FBXL17: variants seen among roughly 807,000 people sequenced by gnomAD.
The protein encoded by FBXL17 is F-box and leucine rich repeat protein 17, also known as F-box/LRR-repeat protein 17.
Under a neutral mutation model 66.2 loss-of-function variants are expected in FBXL17, and 22 were observed. That is an observed-to-expected ratio of 0.33 (90% confidence interval 0.24 to 0.47). The LOEUF (loss-of-function observed/expected upper bound fraction) is 0.47. Among genes scored for constraint, FBXL17 ranks in the 20% least tolerant of loss-of-function variants. The pLI, the probability that FBXL17 is intolerant of heterozygous loss-of-function variation, is 1.00. For missense variants in FBXL17, 878 were observed against 948.2 expected (o/e 0.93, Z 0.97); for synonymous variants, 474 against 400.5 (o/e 1.18, Z -2.19).
In FBXL17 at chr5:108,159,473, T is replaced by TC. The variant is rs1293927453; in HGVS notation, c.1745+26643dup. On this transcript the variant is annotated intron_variant, in intron 6 of 8. Coordinates refer to ENST00000542267, the MANE Select transcript of FBXL17 (RefSeq NM_001163315.3). Reference sequence around the variant, plus strand: ...GGGAAGTGATTGGTCAGAGGCAGCGTCCTTCTGAATGGAATTCACTACCGT... The same window carrying TC: ...GGGAAGTGATTGGTCAGAGGCAGCGTCCCTTCTGAATGGAATTCACTACCGT... Among the ~76,000 whole-genome samples the TC allele has an allele frequency of 2.0e-5, 3 of 152,130 alleles. No homozygotes were observed. The East Asian group carries it at 5.8e-4, about 29-fold the overall frequency.
chr5:107,916,845 T>C (rs1461376368), intron 7 of FBXL17, among the ~76,000 whole-genome samples: 1 of 152,164 alleles, frequency 6.6e-6, no homozygotes, highest in Admixed American at 6.5e-5. Context: ...CTCAAACATA[T>C]GTGGTTAAAA....
At chr5:108,225,136 C>CTGAA (rs971364154) in intron 4 of FBXL17, among the ~76,000 whole-genome samples, 8 of 152,118 alleles carry the variant, frequency 5.3e-5, no homozygotes, top group African/African-American at 1.9e-4. Flanking sequence ...TTTTCCTATT[C>CTGAA]TGAACACTTT....
At chr5:108,360,086 GT>G (rs931116508) in intron 3 of FBXL17, among the ~76,000 whole-genome samples, 1 of 151,946 alleles carries the variant, frequency 6.6e-6, no homozygotes, top group Admixed American at 6.6e-5. Flanking sequence ...TTAAAACCTG[GT>G]TTTTTTGGAT....
At chr5:108,215,323 C>T (rs1408551535) in intron 5 of FBXL17, among the ~76,000 whole-genome samples, 3 of 152,216 alleles carry the variant, frequency 2.0e-5, no homozygotes, top group Non-Finnish European at 2.9e-5. Flanking sequence ...TTTATATCCC[C>T]ACCATTAATG....
chr5:108,233,301 T>G (rs1370756482), intron 4 of FBXL17, among the ~76,000 whole-genome samples: 1 of 152,164 alleles, frequency 6.6e-6, no homozygotes, highest in Non-Finnish European at 1.5e-5. Context: ...AAGGTAAAGG[T>G]TCATCTTTTG....
In FBXL17 at chr5:108,380,859, G is replaced by A. The variant is rs565260379; in HGVS notation, c.833C>T (p.Ala278Val). ...EGAPTEAGGDAVRAGGTAPLS... is the reference protein window; with the variant it reads ...EGAPTEAGGDVVRAGGTAPLS... Reference sequence around the variant, plus strand: ...GGGGGCGGTGCCCCCGGCTCGGACAGCGTCCCCGCCAGCTTCGGTGGGGGC... The same window carrying A: ...GGGGGCGGTGCCCCCGGCTCGGACAACGTCCCCGCCAGCTTCGGTGGGGGC... Residue 278 changes from alanine (A) to valine (V), a missense_variant, in exon 1 of 9, where the codon GCT becomes GTT. Coordinates refer to ENST00000542267, the MANE Select transcript of FBXL17 (RefSeq NM_001163315.3). 2,338 of 1,245,618 alleles carry A rather than the reference G, an allele frequency of 1.9e-3. 26 individuals carry two copies. In the African/African-American group the frequency reaches 0.029, roughly 15 times the overall value. 77.2% of individuals were successfully genotyped at this position (1,245,618 alleles called of 1,614,324 possible).
intron 7 of FBXL17, among the ~76,000 whole-genome samples, chr5:107,925,193 G>A (rs1750486883): frequency 6.6e-6 from 1 of 152,176 alleles, no homozygotes; most frequent in Admixed American, 6.6e-5. Context: ...AATGGTTCTT[G>A]AAAGAAAAAC....
At chr5:108,226,109 A>T (rs1434116160) in intron 4 of FBXL17, among the ~76,000 whole-genome samples, 1 of 152,064 alleles carries the variant, frequency 6.6e-6, no homozygotes, top group Non-Finnish European at 1.5e-5. Flanking sequence ...AACACTTATC[A>T]CTACTGATCA....
At chr5:108,358,852 C>A (rs1378935549) in intron 3 of FBXL17, among the ~76,000 whole-genome samples, 2 of 151,938 alleles carry the variant, frequency 1.3e-5, no homozygotes, top group Non-Finnish European at 2.9e-5. Flanking sequence ...GATTCAATCT[C>A]CTTATTTATT....
intron 5 of FBXL17, among the ~76,000 whole-genome samples, chr5:108,215,359 C>T (rs908835182): frequency 5.3e-5 from 8 of 152,218 alleles, no homozygotes; most frequent in South Asian, 4.1e-4. Context: ...TTCTCCACTT[C>T]TTTGTCAACA....
chr5:108,369,563 T>G (rs1447809358), intron 1 of FBXL17, among the ~76,000 whole-genome samples: 1 of 152,058 alleles, frequency 6.6e-6, no homozygotes, highest in Non-Finnish European at 1.5e-5. Flanking sequence ...AATTTTTCTA[T>G]AAATCTGAAT....
intron 5 of FBXL17, among the ~76,000 whole-genome samples, chr5:108,204,854 T>C (rs1754047998): frequency 1.3e-5 from 2 of 152,130 alleles, no homozygotes; most frequent in Non-Finnish European, 2.9e-5. Context: ...AACAAAAGTA[T>C]TGAGAAGGTA....
chr5:108,212,047 T>C (rs1293952865), intron 5 of FBXL17, among the ~76,000 whole-genome samples: 1 of 152,176 alleles, frequency 6.6e-6, no homozygotes, highest in Non-Finnish European at 1.5e-5. Context: ...TTCTCTAATA[T>C]TGTCTTCTCT....
chr5:108,204,662 T>C (rs952112939), intron 5 of FBXL17, among the ~76,000 whole-genome samples: 1 of 152,206 alleles, frequency 6.6e-6, no homozygotes, highest in African/African-American at 2.4e-5. Flanking sequence ...ACAGGTAGCC[T>C]ATTCAACATA....
At chr5:107,909,354 T>C (rs1440244318) in intron 7 of FBXL17, among the ~76,000 whole-genome samples, 1 of 152,194 alleles carries the variant, frequency 6.6e-6, no homozygotes, top group Non-Finnish European at 1.5e-5. Flanking sequence ...ACAGTGTTTA[T>C]TGCTCAGTGG....
chr5:108,379,368 T>C (rs1175017928), intron 1 of FBXL17, among the ~76,000 whole-genome samples: 1 of 152,164 alleles, frequency 6.6e-6, no homozygotes. Flanking sequence ...TGTCCTAAAA[T>C]GCACCTCTGC....
chr5:108,107,825 AAAAGAAAAAAG>A (rs1749869734), intron 6 of FBXL17, among the ~76,000 whole-genome samples: 1 of 142,178 alleles, frequency 7.0e-6, no homozygotes, highest in African/African-American at 2.5e-5. Flanking sequence ...AAAAAAAAAG[AAAAGAAAAAAG>A]AAAAAGAAAA....
intron 1 of FBXL17, among the ~76,000 whole-genome samples, chr5:108,370,058 G>T (rs1748924162): frequency 6.6e-6 from 1 of 152,138 alleles, no homozygotes; most frequent in Admixed American, 6.5e-5. Flanking sequence ...GGACCATCTA[G>T]ACACATGCAC....
intron 5 of FBXL17, among the ~76,000 whole-genome samples, chr5:108,187,553 A>T (rs553392658): frequency 6.6e-6 from 1 of 152,348 alleles, no homozygotes; most frequent in African/African-American, 2.4e-5. Context: ...CAATCATGAA[A>T]GGGATTCAAG....
Sources: gnomAD v4.1 joint callset for allele counts (sites outside exome capture counted in the v4.1 genomes callset) on GRCh38, gnomAD v4.1.1 for gene constraint, MANE v1.5 for transcripts, NCBI Gene and HGNC (gene_info 2026-07-23, HGNC 2026-07-21) for gene names.